ZNF562: variants seen among roughly 807,000 people sequenced by gnomAD.
ZNF562 encodes zinc finger protein 562.
ZNF562 carries 13 observed loss-of-function variants against 17.5 expected under a neutral mutation model. The observed-to-expected ratio is 0.74, with a 90% CI of 0.48 to 1.18. The LOEUF is 1.18. ZNF562 is among the 50% of genes most tolerant of loss of function. The probability of loss-of-function intolerance (pLI) is 0.00; values close to 1 mark genes in which losing one functional copy is unlikely to be tolerated. For missense variants in ZNF562, 481 were observed against 498.5 expected, an observed-to-expected ratio of 0.96 and a Z score of 0.33; for synonymous variants, 163 against 165.4, an observed-to-expected ratio of 0.99 and a Z score of 0.11.
Position 9,647,851 on chromosome 19 carries a change from AAAACAAAG to A in ZNF562, c.*5090_*5097del, listed in dbSNP as rs1344510823. On this transcript the variant is annotated 3_prime_UTR_variant, in exon 6 of 6. Transcript: ENST00000453372. ...GGGCAACGAGTGAAACACTAACTCA[AAAACAAAG>A]AAACAAACACCAACTCAAAAACAAA... 5 of 152,256 alleles carry A rather than the reference AAAACAAAG, an allele frequency of 3.3e-5. No individual in the cohort carries two copies. The highest frequency in any genetic ancestry group is 1.2e-4 in the African/African-American group (5 of 41,452). The allele number at this position is 152,256 out of a possible 1,614,324, so 9.4% of individuals were successfully genotyped here. A position where few individuals can be genotyped will look rare whatever the true frequency, so the allele number is the denominator to read the frequency against.
At chr19:9,662,030 G>A (rs2043766626) in intron 1 of ZNF562, among the ~76,000 whole-genome samples, 1 of 151,990 alleles carries the variant, frequency 6.6e-6, no homozygotes. Context: ...CCAAAGTGCT[G>A]GGATAATAAG....
In ZNF562 at chr19:9,648,011, CTGGGAT is replaced by C. The variant is rs1383350518; in HGVS notation, c.*4932_*4937del. On this transcript the variant is annotated 3_prime_UTR_variant, in exon 6 of 6. Coordinates refer to ENST00000453372, the MANE Select transcript of ZNF562 (RefSeq NM_001130031.2). Reference sequence around the variant, plus strand: ...CTTTTTGCCTCAGCCTCCAAAAGTGCTGGGATTACAGGCCTGAGCCACTATTCCCAA... The same window carrying C: ...CTTTTTGCCTCAGCCTCCAAAAGTGCTACAGGCCTGAGCCACTATTCCCAA... 6.6e-6 allele frequency: 1 copy of C among 152,188 alleles called. No homozygotes were observed. The highest frequency in any genetic ancestry group is 1.5e-5 in the Non-Finnish European group (1 of 68,036). 9.4% of individuals were successfully genotyped at this position (152,188 alleles called of 1,614,324 possible).
At position 9,653,700 on chromosome 19, in the gene ZNF562, T is replaced by G; in HGVS notation, c.530A>C (p.Lys177Thr). Residue 177 changes from lysine to threonine, a missense_variant, in exon 6 of 6, where the codon AAA (lysine) becomes ACA (threonine). Physicochemically the swap from Lys to Thr is moderately conservative, Grantham distance 78 (BLOSUM62 -1). This residue lies in a region of ZNF562 where 403 missense variants were observed against 386.4 expected (regional missense o/e 1.04). Transcript: ENST00000453372. ...KEASIGQELS[K>T]FNPCGKVFTL... ...GAAGACTTTTCCACATGGATTAAAT[T>G]TGGAAAGTTCTTGTCCAATAGAGGC... 6.2e-7 allele frequency: 1 copy of G among 1,614,070 alleles called. No homozygotes were observed. Among genetic ancestry groups the G allele is most frequent in the East Asian group, 2.2e-5 (1 of 44,866 alleles).
rs888908170 is a variant in ZNF562, at chr19:9,642,514, C to T, written c.*10435G>A. ...CTGCCCTCAAACTCCTGAGCTCAAGCGATCATCCTTCCTTGGCCTCCCACA... is the reference window on the plus strand; with the variant it reads ...CTGCCCTCAAACTCCTGAGCTCAAGTGATCATCCTTCCTTGGCCTCCCACA... On this transcript the variant is annotated 3_prime_UTR_variant, in exon 6 of 6. Coordinates refer to ENST00000453372, the MANE Select transcript of ZNF562 (RefSeq NM_001130031.2). 3.3e-5 allele frequency: 5 copies of T among 151,932 alleles called. No homozygotes were observed. Among genetic ancestry groups the T allele is most frequent in the Non-Finnish European group, 5.9e-5 (4 of 68,000 alleles). The allele number at this position is 151,932 out of a possible 1,614,324, so 9.4% of individuals were successfully genotyped here. A position where few individuals can be genotyped will look rare whatever the true frequency, so the allele number is the denominator to read the frequency against.
rs181240349 is a variant in ZNF562, at chr19:9,651,530, G to A, written c.*1419C>T. 20 of 152,328 alleles carry A rather than the reference G, an allele frequency of 1.3e-4. No individual in the cohort carries two copies. In the East Asian group the frequency reaches 2.9e-3, roughly 22 times the overall value. 9.4% of individuals were successfully genotyped at this position (152,328 alleles called of 1,614,324 possible). Reference sequence around the variant, plus strand: ...ATCTCTGCAGCACTGTGACATGCTCGTGATGGCTATGACGCCCATGCTGGA... The same window carrying A: ...ATCTCTGCAGCACTGTGACATGCTCATGATGGCTATGACGCCCATGCTGGA... On this transcript the variant is annotated 3_prime_UTR_variant, in exon 6 of 6. Transcript: ENST00000453372.
chr19:9,667,500 C>T (rs1599313885), intron 1 of ZNF562, among the ~76,000 whole-genome samples: 1 of 152,162 alleles, frequency 6.6e-6, no homozygotes, highest in Admixed American at 6.6e-5. Flanking sequence ...CAACATAATA[C>T]TATAAGTTCT....
At chr19:9,660,664 T>C in intron 2 of ZNF562, 56 bp downstream of exon 2, 1 of 1,588,884 alleles carries the variant, frequency 6.3e-7, no homozygotes, top group Non-Finnish European at 8.6e-7. Context: ...GACTCTTATG[T>C]TGTGGAGGGC....
At chr19:9,670,809 C>T (rs904686571) in intron 1 of ZNF562, among the ~76,000 whole-genome samples, 5 of 151,970 alleles carry the variant, frequency 3.3e-5, no homozygotes, top group Admixed American at 6.6e-5. Flanking sequence ...ACCAACCTGT[C>T]CAATATGGTA....
chr19:9,660,002 C>T (rs1300281255), intron 2 of ZNF562, among the ~76,000 whole-genome samples: 27 of 103,128 alleles, frequency 2.6e-4, no homozygotes, highest in African/African-American at 1.0e-3. Flanking sequence ...AGGCAGAGAA[C>T]TGCTTGAACC....
At position 9,651,120 on chromosome 19, in the gene ZNF562, AC is replaced by A. The variant is rs1187702413; in HGVS notation, c.*1828del. 1.3e-5 allele frequency: 2 copies of A among 152,218 alleles called. No homozygotes were observed. The highest frequency in any genetic ancestry group is 1.3e-4 in the Admixed American group (2 of 15,270). 9.4% of individuals were successfully genotyped at this position (152,218 alleles called of 1,614,324 possible). A position where few individuals can be genotyped will look rare whatever the true frequency, so the allele number is the denominator to read the frequency against. ...AGTGAGGTACTGCAATTAAAAACAA[AC>A]AAAAAAACTAAAAATGTGAAGCAGC... On this transcript the variant is annotated 3_prime_UTR_variant, in exon 6 of 6. Transcript: ENST00000453372.
rs2074807863 is a variant in ZNF562, at chr19:9,646,529, T to C, written c.*6420A>G. The C allele has an allele frequency of 6.6e-6, 1 of 152,156 alleles. No individual in the cohort carries two copies. Among genetic ancestry groups the C allele is most frequent in the African/African-American group, 2.4e-5 (1 of 41,412 alleles). The allele number at this position is 152,156 out of a possible 1,614,324, so 9.4% of individuals were successfully genotyped here. On this transcript the variant is annotated 3_prime_UTR_variant, in exon 6 of 6. Transcript: ENST00000453372. ...AACAGAAAACATGCAAGAAATAGTG[T>C]AGATTTTTCAAGCGAAATATCTGAA... is the stretch of plus-strand genomic sequence containing the variant.
intron 1 of ZNF562, chr19:9,674,748 G>A (rs1346424567): frequency 6.6e-6 from 1 of 152,240 alleles, no homozygotes; most frequent in Non-Finnish European, 1.5e-5. Flanking sequence ...CCCAAAGGTT[G>A]CTTTCCAAGC....
At chr19:9,657,556 T>A (rs543864376) in intron 4 of ZNF562, among the ~76,000 whole-genome samples, 1 of 151,718 alleles carries the variant, frequency 6.6e-6, no homozygotes, top group East Asian at 1.9e-4. Flanking sequence ...AAAATCTTTT[T>A]TTTTTTTTTG....
intron 5 of ZNF562, among the ~76,000 whole-genome samples, chr19:9,655,737 T>C (rs2043451228): frequency 8.3e-6 from 1 of 120,594 alleles, no homozygotes; most frequent in Non-Finnish European, 1.8e-5. Flanking sequence ...TTTTTTTTTT[T>C]TTTTTTTTTT....
intron 5 of ZNF562, among the ~76,000 whole-genome samples, chr19:9,655,726 T>C (rs1220392899): frequency 6.9e-5 from 5 of 72,448 alleles, no homozygotes; most frequent in East Asian, 2.9e-4. Flanking sequence ...TCTTTTTTTT[T>C]TTTTTTTTTT....
chr19:9,653,488 T>G lies in ZNF562; in HGVS notation c.742A>C (p.Lys248Gln), dbSNP rs2074908251. 5.0e-6 allele frequency: 8 copies of G among 1,614,074 alleles called. 1 individual carries two copies. In the Admixed American group the frequency reaches 1.3e-4, roughly 27 times the overall value. Reference protein sequence around the residue: ...ERAITTSSHLKQCVAVHTGKK... With the variant: ...ERAITTSSHLQQCVAVHTGKK... Reference sequence around the variant, plus strand: ...CCAGTATGAACTGCTACACACTGCTTTAAGTGTGAGGAAGTTGTGATGGCT... The same window carrying G: ...CCAGTATGAACTGCTACACACTGCTGTAAGTGTGAGGAAGTTGTGATGGCT... The change falls in exon 6 of 6, where the codon AAG (lysine) becomes CAG (glutamine). Residue 248 changes from lysine (K) to glutamine (Q), a missense_variant. Around this residue, in one of 2 missense-constraint regions of ZNF562, gnomAD observed 403 missense variants for 386.4 expected, o/e 1.04. Transcript: ENST00000453372.
chr19:9,654,047 G>C (rs1159500100), intron 5 of ZNF562, among the ~76,000 whole-genome samples, 166 bp from the exon 6 acceptor site: 1 of 147,998 alleles, frequency 6.8e-6, no homozygotes. Flanking sequence ...CTACAGTGCA[G>C]TGGCACAATC....
At chr19:9,664,039 G>A (rs767266023) in intron 1 of ZNF562, among the ~76,000 whole-genome samples, 8 of 152,084 alleles carry the variant, frequency 5.3e-5, no homozygotes, top group Non-Finnish European at 1.2e-4. Context: ...ACAGGTGTGA[G>A]CCACCACACC....
intron 1 of ZNF562, among the ~76,000 whole-genome samples, chr19:9,667,543 A>C (rs2043994670): frequency 6.6e-6 from 1 of 152,138 alleles, no homozygotes; most frequent in Non-Finnish European, 1.5e-5. Flanking sequence ...AAACAAATAA[A>C]GGGCATCTCA....
Sources: gnomAD v4.1 joint callset for allele counts (sites outside exome capture counted in the v4.1 genomes callset) on GRCh38, gnomAD v4.1.1 for gene constraint, gnomAD v4.1.1 regional missense constraint, MANE v1.5 for transcripts, NCBI Gene and HGNC (gene_info 2026-07-23, HGNC 2026-07-21) for gene names.